ANKHD1: variants seen among roughly 807,000 people sequenced by gnomAD.
ANKHD1 encodes the protein ankyrin repeat and KH domain containing 1, also known as ankyrin repeat and KH domain-containing protein 1.
ANKHD1 carries 31 observed loss-of-function variants against 230.5 expected under a neutral mutation model. The ratio of observed to expected loss-of-function variants is 0.13; its 90% CI spans 0.10 to 0.18. The LOEUF is 0.18. ANKHD1 is among the 10% of genes least tolerant of loss of function. ANKHD1 has a pLI of 1.00. For missense variants in ANKHD1, 2,256 were observed against 3,071.3 expected, an observed-to-expected ratio of 0.73 and a Z score of 6.27; for synonymous variants, 1,074 against 1,117.6, an observed-to-expected ratio of 0.96 and a Z score of 0.78.
At chr5:140,463,593 A>G (rs1775874141) in intron 9 of ANKHD1, among the ~76,000 whole-genome samples, 1 of 152,116 alleles carries the variant, frequency 6.6e-6, no homozygotes, top group African/African-American at 2.4e-5. Flanking sequence ...TTCATTGGTC[A>G]CCTTCGAAGG....
chr5:140,407,489 C>T (rs1306220656), intron 1 of ANKHD1, among the ~76,000 whole-genome samples: 1 of 151,230 alleles, frequency 6.6e-6, no homozygotes, highest in East Asian at 1.9e-4. Context: ...ACTGCAACCT[C>T]GAATTCCTGG....
intron 9 of ANKHD1, among the ~76,000 whole-genome samples, chr5:140,460,595 A>C (rs939109631): frequency 6.6e-6 from 1 of 152,120 alleles, no homozygotes; most frequent in Non-Finnish European, 1.5e-5. Flanking sequence ...AATATGTTCC[A>C]CTGCAACCTC....
intron 1 of ANKHD1, among the ~76,000 whole-genome samples, chr5:140,414,176 G>A (rs1211006026): frequency 6.6e-6 from 1 of 152,120 alleles, no homozygotes; most frequent in Non-Finnish European, 1.5e-5. Flanking sequence ...ATATCTCTTT[G>A]AGGCCTGCAT....
intron 15 of ANKHD1, among the ~76,000 whole-genome samples, chr5:140,497,759 C>A (rs1752095863): frequency 6.6e-6 from 1 of 151,986 alleles, no homozygotes; most frequent in African/African-American, 2.4e-5. Context: ...ACTAAGTATT[C>A]CATATTATAA....
intron 24 of ANKHD1, among the ~76,000 whole-genome samples, chr5:140,514,311 A>G (rs1369003134): frequency 6.6e-6 from 1 of 152,040 alleles, no homozygotes; most frequent in East Asian, 1.9e-4. Context: ...CCTGGGCAAC[A>G]TGGCAAAACC....
intron 1 of ANKHD1, among the ~76,000 whole-genome samples, chr5:140,427,790 C>A (rs2126889390): frequency 6.6e-6 from 1 of 151,294 alleles, no homozygotes; most frequent in Admixed American, 6.6e-5. Flanking sequence ...CCCCCACCTC[C>A]CTCCCGGACA....
chr5:140,491,866 T>C (rs148973096), intron 14 of ANKHD1, among the ~76,000 whole-genome samples: 2 of 152,298 alleles, frequency 1.3e-5, no homozygotes, highest in East Asian at 3.9e-4. Flanking sequence ...TTGAATAAAT[T>C]AATGAGTGCA....
chr5:140,516,335 G>GT (rs1421996033), intron 24 of ANKHD1, among the ~76,000 whole-genome samples: 1 of 152,218 alleles, frequency 6.6e-6, no homozygotes, highest in Non-Finnish European at 1.5e-5. Flanking sequence ...GTACCTGAAA[G>GT]TGACAGGGAG....
Position 140,510,054 on chromosome 5 carries a change from A to C in ANKHD1, c.3977A>C (p.Asn1326Thr), listed in dbSNP as rs768489249. The change falls in exon 22 of 34, where the codon AAT becomes ACT. Residue 1326 changes from asparagine (N) to threonine (T), a missense_variant. Around this residue, in one of 13 missense-constraint regions of ANKHD1, gnomAD observed 195 missense variants for 340.3 expected, o/e 0.57. Transcript: ENST00000360839. The stretch of plus-strand genomic sequence containing the variant: ...ATTGATGTTCGTAACAAAAAGGGAA[A>C]TACGCCACTTTGGCTGGCATCCAAT... The part of the protein sequence containing the change: ...AHIDVRNKKG[N>T]TPLWLASNGG... 6 of 1,613,926 alleles carry C rather than the reference A, an allele frequency of 3.7e-6. No homozygotes were observed. Among genetic ancestry groups the C allele is most frequent in the Non-Finnish European group, 5.1e-6 (6 of 1,179,936 alleles).
chr5:140,504,044 C>T (rs1249213407), intron 15 of ANKHD1, among the ~76,000 whole-genome samples: 4 of 152,028 alleles, frequency 2.6e-5, no homozygotes, highest in African/African-American at 4.8e-5. Flanking sequence ...TTGAACTTGT[C>T]TCCCTCCCCT....
At chr5:140,497,495 G>T (rs1232101869) in intron 15 of ANKHD1, among the ~76,000 whole-genome samples, 1 of 152,158 alleles carries the variant, frequency 6.6e-6, no homozygotes, top group African/African-American at 2.4e-5. Flanking sequence ...TATTGCAAAG[G>T]CAAAGAAATA....
In ANKHD1 at chr5:140,468,076, T is replaced by C. The variant is rs1392877720; in HGVS notation, c.1782+3300T>C. Reference sequence around the variant, plus strand: ...TCTTTTTTTTTTTTTTTTTTTTTTTTTTTTTTTTTTTTTTTTGATGTGGGG... The same window carrying C: ...TCTTTTTTTTTTTTTTTTTTTTTTTCTTTTTTTTTTTTTTTTGATGTGGGG... On this transcript the variant is annotated intron_variant, in intron 10 of 33. Transcript: ENST00000360839. 3.5e-5 allele frequency among the ~76,000 whole-genome samples: 4 copies of C among 113,170 alleles called. No individual in the cohort carries two copies. The East Asian group carries it at 7.2e-4, about 20-fold the overall frequency. 74.2% of individuals were successfully genotyped at this position (113,170 alleles called of 152,430 possible).
intron 4 of ANKHD1, 72 bp from the exon 5 acceptor site, chr5:140,440,923 C>T: frequency 7.3e-7 from 1 of 1,377,598 alleles, no homozygotes; most frequent in Non-Finnish European, 9.4e-7. Context: ...TTCAGAGATT[C>T]AGTATATTCT....
At chr5:140,413,107 C>A (rs1771073384) in intron 1 of ANKHD1, among the ~76,000 whole-genome samples, 2 of 151,924 alleles carry the variant, frequency 1.3e-5, no homozygotes, top group African/African-American at 2.4e-5. Context: ...AGAGGTTACC[C>A]CTAAGAACCA....
intron 5 of ANKHD1, among the ~76,000 whole-genome samples, chr5:140,444,968 C>G (rs1774160274): frequency 6.6e-6 from 1 of 152,130 alleles, no homozygotes; most frequent in South Asian, 2.1e-4. Context: ...ATCCTCCCAC[C>G]TCTTGCCTCT....
Position 140,507,056 on chromosome 5 carries a change from C to A in ANKHD1, c.3551+79C>A. ...AAATGTCTACCTCTTAACGTTTAGACAGATACATTTTAAATTAAGATAGTA... is the reference window on the plus strand; with the variant it reads ...AAATGTCTACCTCTTAACGTTTAGAAAGATACATTTTAAATTAAGATAGTA... On this transcript the variant is annotated intron_variant, in intron 19 of 33. Transcript: ENST00000360839. This position sits in a 1 kb window ranked among gnomAD's most constrained non-coding sequence, Gnocchi z 4.1. The A allele has an allele frequency of 1.9e-6, 3 of 1,545,298 alleles. No homozygotes were observed. Among genetic ancestry groups the A allele is most frequent in the Non-Finnish European group, 2.6e-6 (3 of 1,152,422 alleles).
In ANKHD1 at chr5:140,427,411, C is replaced by T. The variant is rs1327076522; in HGVS notation, c.307-8693C>T. On this transcript the variant is annotated intron_variant, in intron 1 of 33. Transcript: ENST00000360839. ...CCTCCCTCCCCGACGGGCGGCTGGC[C>T]GGGCGGGGGGCTGACCCCCCAACCT... Among the ~76,000 whole-genome samples the T allele has an allele frequency of 8.8e-5, 11 of 125,024 alleles. 1 individual carries two copies. The highest frequency in any genetic ancestry group is 1.9e-4 in the Non-Finnish European group (11 of 59,010). 82.0% of individuals were successfully genotyped at this position (125,024 alleles called of 152,430 possible).
Position 140,491,156 on chromosome 5 carries a change from A to ATT in ANKHD1, c.2245+4097_2245+4098insTT, listed in dbSNP as rs1339403637. On this transcript the variant is annotated intron_variant, in intron 14 of 33. Coordinates refer to ENST00000360839, the MANE Select transcript of ANKHD1 (RefSeq NM_017747.3). ...TATATACACATATATATATATATATATATATTTTTTTTTTTTTTTTTTTTT... is the reference window on the plus strand; with the variant it reads ...TATATACACATATATATATATATATATTTATATTTTTTTTTTTTTTTTTTTTT... Among the ~76,000 whole-genome samples the ATT allele has an allele frequency of 6.2e-4, 59 of 94,908 alleles. 2 individuals are homozygous for ATT. Among genetic ancestry groups the ATT allele is most frequent in the African/African-American group, 2.0e-3 (46 of 22,556 alleles). The allele number at this position is 94,908 out of a possible 152,430, so 62.3% of individuals were successfully genotyped here. A position where few individuals can be genotyped will look rare whatever the true frequency, so the allele number is the denominator to read the frequency against.
At chr5:140,465,278 C>G (rs1776005523) in intron 10 of ANKHD1, 1 of 152,176 alleles carries the variant, frequency 6.6e-6, no homozygotes, top group African/African-American at 2.4e-5. Context: ...TCTGATTAGA[C>G]ATTTCAAAAC....
Sources: allele counts gnomAD v4.1 joint callset (sites outside exome capture counted in the v4.1 genomes callset), GRCh38; gene constraint gnomAD v4.1.1; regional missense constraint gnomAD v4.1.1; non-coding constraint Gnocchi (gnomAD v3.1); transcripts MANE v1.5; gene names NCBI Gene and HGNC (gene_info 2026-07-23, HGNC 2026-07-21).